Variants in COL19A1 observed in about 807,000 individuals in gnomAD.
The protein encoded by COL19A1 is collagen type XIX alpha 1 chain, also known as collagen alpha-1(XIX) chain.
Under a neutral mutation model 190.2 loss-of-function variants are expected in COL19A1, and 159 were observed. That is an observed-to-expected ratio of 0.84 (90% CI 0.73 to 0.95). The LOEUF is 0.95. Among genes scored for constraint, COL19A1 ranks in the 40% least tolerant of loss-of-function variants. COL19A1 has a pLI of 0.00. For synonymous variants in COL19A1, 509 were observed against 458.9 expected, an observed-to-expected ratio of 1.11 and a Z score of -1.39; for missense variants, 1,418 against 1,431.9, an observed-to-expected ratio of 0.99 and a Z score of 0.16.
chr6:69,902,223 A>G (rs990095116), intron 4 of COL19A1, among the ~76,000 whole-genome samples: 1 of 152,184 alleles, frequency 6.6e-6, no homozygotes, highest in Non-Finnish European at 1.5e-5. Context: ...TTTTTCAATG[A>G]GACTGGAGTA....
At chr6:70,126,580 A>G (rs1390740975) in intron 17 of COL19A1, among the ~76,000 whole-genome samples, 2 of 152,170 alleles carry the variant, frequency 1.3e-5, no homozygotes, top group African/African-American at 2.4e-5. Context: ...TTTTTTGCAG[A>G]TAACTAAGAG....
chr6:69,896,543 C>CAAAAAAAAAAAAAAAAAAAAAAAA (rs61409385), intron 2 of COL19A1, among the ~76,000 whole-genome samples: 4 of 71,674 alleles, frequency 5.6e-5, no homozygotes, highest in African/African-American at 1.8e-4. Context: ...GACTCCGTCT[C>CAAAAAAAAAAAAAAAAAAAAAAAA]AAAAAAAAAA....
rs564012492 is a variant in COL19A1, at chr6:69,918,718, C to T, written c.267-9191C>T. On this transcript the variant is annotated intron_variant, in intron 4 of 50. Transcript: ENST00000620364. The stretch of plus-strand genomic sequence containing the variant: ...GAGACCCTGCCGCAAAAAAATAAAC[C>T]CATAAAATAAAACACAAAAACCAGT... 3.3e-5 allele frequency among the ~76,000 whole-genome samples: 5 copies of T among 151,838 alleles called. No individual in the cohort carries two copies. In the East Asian group the frequency reaches 9.7e-4, roughly 29 times the overall value.
chr6:70,199,752 T>C lies in COL19A1; in HGVS notation c.3223+16T>C, dbSNP rs774690654. On this transcript the variant is annotated intron_variant, in intron 49 of 50. Transcript: ENST00000620364. ...GGACCCCAAGGTAAGTCTTCAAGTG[T>C]AATATTGGCTTATTGATTTTTAACT... 5.7e-6 allele frequency: 9 copies of C among 1,584,524 alleles called. No individual in the cohort carries two copies. The Admixed American group carries it at 1.6e-4, about 29-fold the overall frequency.
At chr6:70,053,482 G>C (rs1374621353) in intron 14 of COL19A1, among the ~76,000 whole-genome samples, 1 of 152,156 alleles carries the variant, frequency 6.6e-6, no homozygotes, top group African/African-American at 2.4e-5. Flanking sequence ...ACCTGAGCAT[G>C]TATGTAACAC....
At chr6:70,184,573 T>G (rs747207124) in intron 44 of COL19A1, 130 bp from the exon 45 acceptor site, 30 of 730,148 alleles carry the variant, frequency 4.1e-5, no homozygotes, top group Non-Finnish European at 6.8e-5. Context: ...TGTTTTCCAT[T>G]TTACCACCTT....
intron 9 of COL19A1, among the ~76,000 whole-genome samples, chr6:69,944,527 T>A (rs186740008): frequency 7.2e-5 from 11 of 152,134 alleles, no homozygotes; most frequent in Admixed American, 7.2e-4. Context: ...TATTGTTAAC[T>A]ATTGTTCTAC....
At chr6:70,100,532 ATTTTT>A (rs35019848) in intron 15 of COL19A1, among the ~76,000 whole-genome samples, 2 of 107,146 alleles carry the variant, frequency 1.9e-5, no homozygotes, top group Non-Finnish European at 1.9e-5. Context: ...TGTGTTTTTA[ATTTTT>A]TTTTTTTTTT....
At chr6:69,883,308 T>A (rs186506617) in intron 2 of COL19A1, among the ~76,000 whole-genome samples, 1 of 152,278 alleles carries the variant, frequency 6.6e-6, no homozygotes, top group East Asian at 1.9e-4. Context: ...GGCTAGACCT[T>A]GGACACTGGT....
intron 46 of COL19A1, among the ~76,000 whole-genome samples, chr6:70,187,267 A>AATCT (rs1766585660): frequency 3.9e-5 from 6 of 152,072 alleles, no homozygotes; most frequent in Admixed American, 1.3e-4. Flanking sequence ...GATCTTTTCA[A>AATCT]TGGTTCTCCC....
chr6:69,988,564 C>A (rs372869716), intron 11 of COL19A1, among the ~76,000 whole-genome samples: 11 of 152,314 alleles, frequency 7.2e-5, no homozygotes, highest in African/African-American at 2.4e-4. Context: ...CCTCTTATAC[C>A]TTTCCATGTA....
At position 70,208,499 on chromosome 6, in the gene COL19A1, G is replaced by T. The variant is rs1359030829; in HGVS notation, c.*1225G>T. 1 of 152,220 alleles carries T rather than the reference G, an allele frequency of 6.6e-6. No individual in the cohort carries two copies. Among genetic ancestry groups the T allele is most frequent in the Admixed American group, 6.5e-5 (1 of 15,280 alleles). 9.4% of individuals were successfully genotyped at this position (152,220 alleles called of 1,614,324 possible). On this transcript the variant is annotated 3_prime_UTR_variant, in exon 51 of 51. Coordinates refer to ENST00000620364, the MANE Select transcript of COL19A1 (RefSeq NM_001858.6). ...CTCTGAAAAGAAACAAAAATACAGT[G>T]ATCATCAAATGCCTAAACAGTCTTT... is the stretch of plus-strand genomic sequence containing the variant.
intron 11 of COL19A1, among the ~76,000 whole-genome samples, chr6:69,979,050 C>T (rs1775887801): frequency 6.6e-6 from 1 of 151,826 alleles, no homozygotes; most frequent in Non-Finnish European, 1.5e-5. Context: ...TATGACTACA[C>T]TAATTACTGT....
At position 70,080,857 on chromosome 6, in the gene COL19A1, T is replaced by C. The variant is rs1044868891; in HGVS notation, c.1224+12381T>C. Among the ~76,000 whole-genome samples the C allele has an allele frequency of 6.6e-5, 10 of 152,334 alleles. 1 individual carries two copies. In the South Asian group the frequency reaches 1.5e-3, roughly 22 times the overall value. On this transcript the variant is annotated intron_variant, in intron 15 of 50. Coordinates refer to ENST00000620364, the MANE Select transcript of COL19A1 (RefSeq NM_001858.6). ...CAGTAAGTCCTTGTGGTTATGGTGA[T>C]ACATTTTTGTATACTCTACTGGTAA...
chr6:69,974,168 G>A (rs1775584286), intron 11 of COL19A1: 1 of 152,100 alleles, frequency 6.6e-6, no homozygotes, highest in Non-Finnish European at 1.5e-5. Context: ...TATCAGTAAA[G>A]GATCAATGAA....
At chr6:69,887,667 C>T (rs1769033446) in intron 2 of COL19A1, among the ~76,000 whole-genome samples, 1 of 152,162 alleles carries the variant, frequency 6.6e-6, no homozygotes, top group Non-Finnish European at 1.5e-5. Flanking sequence ...AGGACTTTTC[C>T]TTAGTTCAGC....
chr6:69,916,868 A>C (rs1247443299), intron 4 of COL19A1, among the ~76,000 whole-genome samples: 1 of 152,232 alleles, frequency 6.6e-6, no homozygotes, highest in East Asian at 1.9e-4. Context: ...AAGCAACTTG[A>C]TACATTGGAA....
At chr6:70,160,566 C>G (rs373512715) in intron 34 of COL19A1, among the ~76,000 whole-genome samples, 3 of 152,164 alleles carry the variant, frequency 2.0e-5, no homozygotes, top group Admixed American at 2.0e-4. Context: ...CTAACTCACA[C>G]GGAGCTTGTC....
intron 7 of COL19A1, among the ~76,000 whole-genome samples, 183 bp from the exon 8 acceptor site, chr6:69,936,602 A>T (rs1773125308): frequency 6.6e-6 from 1 of 152,110 alleles, no homozygotes; most frequent in African/African-American, 2.4e-5. Flanking sequence ...AAGAAAACCC[A>T]TGGGCTCAGG....
Sources: allele counts gnomAD v4.1 joint callset (sites outside exome capture counted in the v4.1 genomes callset), GRCh38; gene constraint gnomAD v4.1.1; transcripts MANE v1.5; gene names NCBI Gene and HGNC (gene_info 2026-07-23, HGNC 2026-07-21).